The following ARHGEF3 variants were observed in gnomAD, a reference collection of about 807,000 sequenced individuals.
ARHGEF3 encodes 59.8 kDA protein.
A neutral mutation model predicts 63.2 loss-of-function variants in ARHGEF3; 28 were observed. That is an observed-to-expected ratio of 0.44 (90% confidence interval 0.33 to 0.61). The LOEUF (loss-of-function observed/expected upper bound fraction) is 0.61. ARHGEF3 is among the 20% of genes least tolerant of loss of function. The probability of loss-of-function intolerance (pLI) is 0.03; values close to 1 mark genes in which losing one functional copy is unlikely to be tolerated. For synonymous variants in ARHGEF3, 266 were observed against 254.2 expected (o/e 1.05, Z -0.44); for missense variants, 533 against 659.3 (o/e 0.81, Z 2.10).
intron 2 of ARHGEF3, among the ~76,000 whole-genome samples, chr3:57,016,938 G>A (rs985249581): frequency 2.0e-5 from 3 of 151,708 alleles, no homozygotes; most frequent in East Asian, 1.9e-4. Flanking sequence ...ACTGTCTGCC[G>A]GGTCTCAGTC....
intron 3 of ARHGEF3, among the ~76,000 whole-genome samples, chr3:56,956,576 G>A (rs1400525203): frequency 1.3e-5 from 2 of 152,182 alleles, no homozygotes; most frequent in African/African-American, 4.8e-5. Flanking sequence ...AAGAGGTCTC[G>A]TGGCCATAGG....
At chr3:56,968,807 G>A (rs1700780661) in intron 2 of ARHGEF3, among the ~76,000 whole-genome samples, 1 of 151,912 alleles carries the variant, frequency 6.6e-6, no homozygotes, top group Non-Finnish European at 1.5e-5. Context: ...TTACACTTAT[G>A]ACACATCTTC....
rs144701815 is a variant in ARHGEF3 at position 57,016,937 on chromosome 3, C to T, written c.62+18151G>A. 7.6e-3 allele frequency among the ~76,000 whole-genome samples: 1,156 copies of T among 151,624 alleles called. 14 individuals are homozygous for T. Among genetic ancestry groups the T allele is most frequent in the African/African-American group, 0.026 (1,088 of 41,314 alleles). On this transcript the variant is annotated intron_variant, in intron 2 of 12. Transcript: ENST00000338458. ...AGGAAGTCACTGTGTCACTGTCTGC[C>T]GGGTCTCAGTCCCCGAAACAAGACA...
intron 4 of ARHGEF3, among the ~76,000 whole-genome samples, chr3:56,867,427 A>G (rs2040286421): frequency 6.6e-6 from 1 of 152,052 alleles, no homozygotes; most frequent in Admixed American, 6.6e-5. Flanking sequence ...GTCAGATAAG[A>G]AGAGAGGGGA....
chr3:56,913,433 T>C (rs2041906040), intron 3 of ARHGEF3, among the ~76,000 whole-genome samples: 1 of 151,812 alleles, frequency 6.6e-6, no homozygotes, highest in Non-Finnish European at 1.5e-5. Flanking sequence ...ATCAGAGAAA[T>C]TCAAATCAAA....
chr3:56,803,673 C>T (rs2037759768), upstream of ARHGEF3, among the ~76,000 whole-genome samples: 1 of 151,894 alleles, frequency 6.6e-6, no homozygotes, highest in African/African-American at 2.4e-5. Flanking sequence ...TATGGTAGTG[C>T]ATGCCTGTAG....
intron 1 of ARHGEF3, among the ~76,000 whole-genome samples, chr3:56,795,886 C>T (rs1185241478): frequency 6.6e-6 from 1 of 151,840 alleles, no homozygotes; most frequent in African/African-American, 2.4e-5. Context: ...GATCCGACCA[C>T]CTCAGCCTCC....
intron 2 of ARHGEF3, among the ~76,000 whole-genome samples, chr3:57,015,686 C>G (rs912103099): frequency 1.1e-4 from 16 of 150,346 alleles, no homozygotes; most frequent in African/African-American, 3.9e-4. Context: ...AAGTGATCCT[C>G]TTGCCTCTGC....
chr3:56,971,119 A>G (rs1289720571), intron 2 of ARHGEF3, among the ~76,000 whole-genome samples: 1 of 152,216 alleles, frequency 6.6e-6, no homozygotes, highest in Non-Finnish European at 1.5e-5. Flanking sequence ...AGCTTAATAA[A>G]TAATGAGAAT....
intron 9 of ARHGEF3, among the ~76,000 whole-genome samples, chr3:56,731,026 T>A (rs1302651689): frequency 6.6e-6 from 1 of 152,220 alleles, no homozygotes; most frequent in Non-Finnish European, 1.5e-5. Flanking sequence ...TTATGAGGAA[T>A]AAATGTAATA....
intron 4 of ARHGEF3, among the ~76,000 whole-genome samples, chr3:56,855,237 A>G (rs1036216510): frequency 2.6e-5 from 4 of 152,200 alleles, no homozygotes; most frequent in African/African-American, 4.8e-5. Flanking sequence ...AAGGTTGTCA[A>G]GCACTATTTA....
At chr3:57,031,582 C>T (rs191874248) in intron 2 of ARHGEF3, among the ~76,000 whole-genome samples, 51 of 152,294 alleles carry the variant, frequency 3.3e-4, no homozygotes, top group African/African-American at 1.2e-3. Context: ...TGCCAGACTC[C>T]AAATTCCCTA....
chr3:56,740,137 A>G (rs779164705), intron 7 of ARHGEF3, among the ~76,000 whole-genome samples: 23 of 152,092 alleles, frequency 1.5e-4, no homozygotes, highest in Non-Finnish European at 3.1e-4. Context: ...TGACCGCATG[A>G]TCTGCCTGCC....
At chr3:56,972,931 C>T (rs574577515) in intron 2 of ARHGEF3, among the ~76,000 whole-genome samples, 1 of 151,836 alleles carries the variant, frequency 6.6e-6, no homozygotes, top group East Asian at 1.9e-4. Flanking sequence ...GAAGTTCCTA[C>T]AGCAGCCCAG....
chr3:56,751,537 C>T (rs1022632703), intron 4 of ARHGEF3, 141 bp from the exon 5 acceptor site: 9 of 684,660 alleles, frequency 1.3e-5, no homozygotes, highest in African/African-American at 1.8e-5. Flanking sequence ...GCTGCAGAAA[C>T]AGCAGAGAGG....
At chr3:56,734,467 C>T (rs761059900) in intron 8 of ARHGEF3, among the ~76,000 whole-genome samples, 2 of 152,132 alleles carry the variant, frequency 1.3e-5, no homozygotes, top group Non-Finnish European at 2.9e-5. Flanking sequence ...AACTTCCTAT[C>T]GAGTACTATG....
At chr3:57,070,042 GT>G (rs1217692791) in intron 1 of ARHGEF3, among the ~76,000 whole-genome samples, 24 of 152,322 alleles carry the variant, frequency 1.6e-4, no homozygotes, top group African/African-American at 4.8e-4. Flanking sequence ...GGCTAAGATT[GT>G]TTTAGCAGCA....
chr3:56,915,248 A>C (rs866862044), intron 3 of ARHGEF3, among the ~76,000 whole-genome samples: 4 of 152,042 alleles, frequency 2.6e-5, no homozygotes, highest in Non-Finnish European at 5.9e-5. Context: ...GGATTGCTTG[A>C]GCTCAGAGTT....
intron 3 of ARHGEF3, among the ~76,000 whole-genome samples, chr3:56,935,322 C>T (rs952072957): frequency 5.9e-5 from 9 of 152,310 alleles, no homozygotes; most frequent in East Asian, 3.9e-4. Context: ...CACCAATCAG[C>T]GCCCTGTCAA....
Sources: allele counts gnomAD v4.1 joint callset (sites outside exome capture counted in the v4.1 genomes callset), GRCh38; gene constraint gnomAD v4.1.1; transcripts MANE v1.5; gene names NCBI Gene and HGNC (gene_info 2026-07-23, HGNC 2026-07-21).